PARD3B: variants seen among roughly 807,000 people sequenced by gnomAD.
The protein encoded by PARD3B is par-3 family cell polarity regulator beta, also known as partitioning defective 3 homolog B.
Under a neutral mutation model 130.2 loss-of-function variants are expected in PARD3B, and 103 were observed. The observed-to-expected ratio is 0.79, with a 90% CI of 0.67 to 0.93. The LOEUF (loss-of-function observed/expected upper bound fraction) is 0.93, where lower values mean the gene tolerates loss of function less well. Ranked by LOEUF, PARD3B falls within the 40% of genes least tolerant of loss-of-function variation. The pLI is 0.00. For synonymous variants in PARD3B, 583 were observed against 553.2 expected, an observed-to-expected ratio of 1.05 and a Z score of -0.76; for missense variants, 1,609 against 1,499.2, an observed-to-expected ratio of 1.07 and a Z score of -1.21.
At chr2:205,220,910 C>T (rs2038203210) in intron 15 of PARD3B, among the ~76,000 whole-genome samples, 1 of 152,106 alleles carries the variant, frequency 6.6e-6, no homozygotes, top group African/African-American at 2.4e-5. Context: ...TACCCTGATC[C>T]AGGGCAGAGC....
Position 205,176,561 on chromosome 2 carries a change from A to G in PARD3B, c.1908A>G (p.Pro636=), listed in dbSNP as rs904421167. ...SILHPLGTCS[P]QDKQKGLLLP... ...TGCATCCACTTGGCACTTGCAGTCC[A>G]CAAGACAAACAGAAAGGTAAGAGTC... The change falls in exon 13 of 23, where the codon CCA becomes CCG. Residue 636 remains proline (P), a synonymous_variant. Coordinates refer to ENST00000406610, the MANE Select transcript of PARD3B (RefSeq NM_001302769.2). This position sits in a 1 kb window ranked among gnomAD's most constrained non-coding sequence, Gnocchi z 5.3. 2 of 1,610,104 alleles carry G rather than the reference A, an allele frequency of 1.2e-6. No individual in the cohort carries two copies. Among genetic ancestry groups the G allele is most frequent in the Non-Finnish European group, 1.7e-6 (2 of 1,178,216 alleles).
chr2:205,168,661 T>G (rs2034971732), intron 11 of PARD3B, among the ~76,000 whole-genome samples: 1 of 137,892 alleles, frequency 7.3e-6, no homozygotes, highest in Admixed American at 7.0e-5. Flanking sequence ...TAGACAGCCT[T>G]TTTTTTTTTT....
rs376177917 is a variant in PARD3B at position 205,415,488 on chromosome 2, CATT to C, written c.2741+14368_2741+14370del. Reference sequence around the variant, plus strand: ...AAAAATCCAATGCCAAGAAAACTGACATTATGCTAAAATATTCAATGTCTCAAG... The same window carrying C: ...AAAAATCCAATGCCAAGAAAACTGACATGCTAAAATATTCAATGTCTCAAG... On this transcript the variant is annotated intron_variant, in intron 19 of 22. Coordinates refer to ENST00000406610, the MANE Select transcript of PARD3B (RefSeq NM_001302769.2). Among the ~76,000 whole-genome samples, 35 of 152,230 alleles carry C rather than the reference CATT, an allele frequency of 2.3e-4. No homozygotes were observed. The East Asian group carries it at 5.6e-3, about 24-fold the overall frequency.
chr2:205,323,266 T>C (rs1204043923), intron 18 of PARD3B, among the ~76,000 whole-genome samples: 1 of 151,910 alleles, frequency 6.6e-6, no homozygotes, highest in African/African-American at 2.4e-5. Flanking sequence ...GTAAGTGTTT[T>C]AAGAATGTGG....
chr2:205,313,496 C>T (rs1433161535), intron 18 of PARD3B, among the ~76,000 whole-genome samples: 1 of 152,166 alleles, frequency 6.6e-6, no homozygotes, highest in Non-Finnish European at 1.5e-5. Flanking sequence ...ATGCCTTCCC[C>T]TCCTACCCTA....
chr2:205,468,848 T>A (rs1399152106), intron 20 of PARD3B, among the ~76,000 whole-genome samples: 1 of 152,220 alleles, frequency 6.6e-6, no homozygotes, highest in Non-Finnish European at 1.5e-5. Context: ...AATATATGTC[T>A]ATATGGCTCT....
At chr2:204,932,591 G>A (rs1180567610) in intron 2 of PARD3B, among the ~76,000 whole-genome samples, 1 of 152,072 alleles carries the variant, frequency 6.6e-6, no homozygotes, top group East Asian at 1.9e-4. Flanking sequence ...TTTTTTAAAG[G>A]CAGAGAAGAA....
rs2046066284 is a variant in PARD3B, at chr2:205,397,283, C to G, written c.2631-3730C>G. ...AAATAAATTTCACATGTATTTCTGC[C>G]CTTCTTATTGGAAACTTGAATCGAG... On this transcript the variant is annotated intron_variant, in intron 18 of 22. Transcript: ENST00000406610. This position sits in a 1 kb window ranked among gnomAD's most constrained non-coding sequence, Gnocchi z 4.8. Among the ~76,000 whole-genome samples, 3 of 152,038 alleles carry G rather than the reference C, an allele frequency of 2.0e-5. No homozygotes were observed.
intron 16 of PARD3B, among the ~76,000 whole-genome samples, chr2:205,259,163 A>G (rs1490178056): frequency 6.6e-6 from 1 of 152,052 alleles, no homozygotes; most frequent in South Asian, 2.1e-4. Flanking sequence ...TGCATTCAAT[A>G]TTTGTTCAGA....
At chr2:205,126,049 AAC>A (rs2031355852) in intron 10 of PARD3B, among the ~76,000 whole-genome samples, 1 of 152,228 alleles carries the variant, frequency 6.6e-6, no homozygotes, top group African/African-American at 2.4e-5. Context: ...CCCTAGGCAA[AAC>A]ACAGTCAGCA....
chr2:205,210,662 C>T (rs1258420029), intron 15 of PARD3B, among the ~76,000 whole-genome samples: 2 of 152,028 alleles, frequency 1.3e-5, no homozygotes, highest in African/African-American at 4.8e-5. Context: ...ACCAGTTGCC[C>T]TGCAGAAAAG....
At chr2:205,020,590 T>A (rs138521943) in intron 3 of PARD3B, among the ~76,000 whole-genome samples, 9 of 152,260 alleles carry the variant, frequency 5.9e-5, no homozygotes, top group African/African-American at 2.2e-4. Flanking sequence ...AGAGTTGATA[T>A]TTTAAGTTTA....
intron 11 of PARD3B, among the ~76,000 whole-genome samples, chr2:205,162,635 G>A (rs959944409): frequency 3.9e-5 from 6 of 152,192 alleles, no homozygotes; most frequent in African/African-American, 1.2e-4. Context: ...ATGAAGTTAC[G>A]ACATCCATGA....
rs1391392578 is a variant in PARD3B, at chr2:204,894,005, CTG to C, written c.223-71143_223-71142del. Among the ~76,000 whole-genome samples, 3 of 151,808 alleles carry C rather than the reference CTG, an allele frequency of 2.0e-5. No individual in the cohort carries two copies. The South Asian group carries it at 6.2e-4, about 32-fold the overall frequency. ...AATCTATTTTATATAGAAAATATGACTGTGTCCCTTTCAAAGACACTAAGACC... is the reference window on the plus strand; with the variant it reads ...AATCTATTTTATATAGAAAATATGACTGTCCCTTTCAAAGACACTAAGACC... On this transcript the variant is annotated intron_variant, in intron 2 of 22. Transcript: ENST00000406610.
chr2:204,991,510 TATTGTGAATA>T (rs1285058017), intron 3 of PARD3B, among the ~76,000 whole-genome samples: 1 of 141,326 alleles, frequency 7.1e-6, no homozygotes, highest in Non-Finnish European at 1.5e-5. Flanking sequence ...AAGTCTTTGC[TATTGTGAATA>T]ATGCCGCAAT....
intron 2 of PARD3B, among the ~76,000 whole-genome samples, chr2:204,840,161 T>C (rs2044208754): frequency 6.6e-6 from 1 of 152,186 alleles, no homozygotes; most frequent in Non-Finnish European, 1.5e-5. Flanking sequence ...GTAGAAATAC[T>C]TTAAATCATA....
intron 1 of PARD3B, among the ~76,000 whole-genome samples, chr2:204,602,721 A>G (rs2033562607): frequency 6.6e-6 from 1 of 152,078 alleles, no homozygotes. Flanking sequence ...AGATACAAAT[A>G]TAACGTACAG....
chr2:204,950,767 G>A (rs895077519), intron 2 of PARD3B, among the ~76,000 whole-genome samples: 1 of 152,208 alleles, frequency 6.6e-6, no homozygotes, highest in African/African-American at 2.4e-5. Context: ...TCAAATGGGA[G>A]ACTCCTCAAA....
At chr2:205,556,571 A>T (rs1228836988) in intron 22 of PARD3B, among the ~76,000 whole-genome samples, 1 of 152,260 alleles carries the variant, frequency 6.6e-6, no homozygotes, top group African/African-American at 2.4e-5. Context: ...GGGCTAAGCC[A>T]TGTTAAGTGT....
Sources: allele counts gnomAD v4.1 joint callset (sites outside exome capture counted in the v4.1 genomes callset), GRCh38; gene constraint gnomAD v4.1.1; non-coding constraint Gnocchi (gnomAD v3.1); transcripts MANE v1.5; gene names NCBI Gene and HGNC (gene_info 2026-07-23, HGNC 2026-07-21).